AEBP2: variants seen among roughly 807,000 people sequenced by gnomAD.
The protein encoded by AEBP2 is AE binding protein 2.
AEBP2 carries 10 observed loss-of-function variants against 50.8 expected under a neutral mutation model. The ratio of observed to expected loss-of-function variants is 0.20; its 90% CI spans 0.12 to 0.33. AEBP2 has a LOEUF of 0.33. Ranked by LOEUF, AEBP2 falls within the 10% of genes least tolerant of loss-of-function variation. AEBP2 has a pLI of 1.00. For missense variants in AEBP2, 570 were observed against 688.0 expected (o/e 0.83, Z 1.92); for synonymous variants, 296 against 261.3 (o/e 1.13, Z -1.28).
intron 1 of AEBP2, among the ~76,000 whole-genome samples, chr12:19,425,861 C>T (rs1378853977): frequency 6.6e-6 from 1 of 151,394 alleles, no homozygotes; most frequent in Non-Finnish European, 1.5e-5. Context: ...CTTATGTTTG[C>T]ATGAACAGCA....
chr12:19,406,991 G>T (rs888598163), intron 1 of AEBP2, among the ~76,000 whole-genome samples: 2 of 152,104 alleles, frequency 1.3e-5, no homozygotes, highest in Admixed American at 6.6e-5. Context: ...CTCTGTCAAA[G>T]AAATTTTTTA....
chr12:19,450,462 G>A (rs1333204958), intron 1 of AEBP2, among the ~76,000 whole-genome samples: 1 of 148,272 alleles, frequency 6.7e-6, no homozygotes, highest in Non-Finnish European at 1.5e-5. Context: ...TCTCTTTTGT[G>A]TTATGCACTA....
chr12:19,438,900 A>C (rs1465379418), upstream of AEBP2, among the ~76,000 whole-genome samples: 1 of 152,218 alleles, frequency 6.6e-6, no homozygotes, highest in Non-Finnish European at 1.5e-5. Context: ...CGACAGATGA[A>C]ATATTTATAA....
chr12:19,500,299 C>CA (rs1374689980), intron 5 of AEBP2, 78 bp downstream of exon 5: 3 of 1,277,516 alleles, frequency 2.3e-6, no homozygotes, highest in African/African-American at 3.1e-5. Flanking sequence ...CTAAATCTCT[C>CA]AAAATCTAAG....
chr12:19,461,033 A>G (rs1948366137), intron 1 of AEBP2, among the ~76,000 whole-genome samples: 2 of 152,144 alleles, frequency 1.3e-5, no homozygotes, highest in African/African-American at 4.8e-5. Context: ...ATTCAGAGAA[A>G]CAGATTACAG....
At chr12:19,458,109 C>A (rs999163178) in intron 1 of AEBP2, among the ~76,000 whole-genome samples, 5 of 152,096 alleles carry the variant, frequency 3.3e-5, no homozygotes, top group African/African-American at 9.7e-5. Context: ...TGTTACATAA[C>A]GTATTATAGG....
At chr12:19,477,837 A>G (rs536951318) in intron 3 of AEBP2, among the ~76,000 whole-genome samples, 1 of 152,170 alleles carries the variant, frequency 6.6e-6, no homozygotes, top group African/African-American at 2.4e-5. Flanking sequence ...TGTCTTTTGG[A>G]ATAGTTACAT....
intron 1 of AEBP2, among the ~76,000 whole-genome samples, chr12:19,433,485 GTA>G (rs2095752486): frequency 6.6e-6 from 1 of 151,834 alleles, no homozygotes; most frequent in Non-Finnish European, 1.5e-5. Context: ...GACATAGAAA[GTA>G]TAAACTCTAA....
chr12:19,423,439 G>T (rs80010216), intron 1 of AEBP2, among the ~76,000 whole-genome samples: 1 of 152,008 alleles, frequency 6.6e-6, no homozygotes, highest in Non-Finnish European at 1.5e-5. Context: ...ACAGAGTGAG[G>T]ATTTCCTCAA....
intron 1 of AEBP2, among the ~76,000 whole-genome samples, chr12:19,443,751 A>C (rs566035018): frequency 2.6e-5 from 4 of 152,204 alleles, no homozygotes; most frequent in African/African-American, 9.6e-5. Flanking sequence ...ATAAAGACAT[A>C]GATATTAGAG....
intron 3 of AEBP2, among the ~76,000 whole-genome samples, chr12:19,484,167 T>C (rs1359829186): frequency 6.6e-6 from 1 of 151,760 alleles, no homozygotes; most frequent in African/African-American, 2.4e-5. Flanking sequence ...CACTGCAACA[T>C]CCACCTCCTC....
chr12:19,449,805 A>G (rs145386063), intron 1 of AEBP2, among the ~76,000 whole-genome samples: 5 of 152,290 alleles, frequency 3.3e-5, no homozygotes, highest in African/African-American at 1.2e-4. Flanking sequence ...AAAGCCATAT[A>G]TTTTACTTGC....
chr12:19,476,154 G>C (rs1481326742), intron 3 of AEBP2, among the ~76,000 whole-genome samples: 1 of 152,150 alleles, frequency 6.6e-6, no homozygotes, highest in Non-Finnish European at 1.5e-5. Flanking sequence ...ATGTCTGGAA[G>C]AGTTTTTCCA....
intron 3 of AEBP2, among the ~76,000 whole-genome samples, chr12:19,482,266 C>A (rs559807371): frequency 6.6e-6 from 1 of 152,126 alleles, no homozygotes; most frequent in Admixed American, 6.6e-5. Flanking sequence ...GATTCATCTT[C>A]AGGTCTCCGA....
intron 1 of AEBP2, among the ~76,000 whole-genome samples, chr12:19,432,184 C>T (rs1384628664): frequency 1.3e-5 from 2 of 152,150 alleles, no homozygotes; most frequent in Non-Finnish European, 2.9e-5. Flanking sequence ...GTAACAAATG[C>T]AGCGTGGGGT....
chr12:19,513,892 AT>A (rs34664301), intron 6 of AEBP2, among the ~76,000 whole-genome samples: 21,776 of 100,104 alleles, frequency 0.22, 1,664 homozygotes, highest in Middle Eastern at 0.29. Context: ...GGCCGCATGC[AT>A]TTTTTTTTTT....
chr12:19,428,051 A>G (rs1306669111), intron 1 of AEBP2, among the ~76,000 whole-genome samples: 2 of 152,044 alleles, frequency 1.3e-5, no homozygotes, highest in Admixed American at 1.3e-4. Flanking sequence ...AGCCTGGGCA[A>G]CATGGCAAAA....
chr12:19,442,280 C>T (rs187408684), intron 1 of AEBP2, among the ~76,000 whole-genome samples: 1 of 152,224 alleles, frequency 6.6e-6, no homozygotes, highest in Non-Finnish European at 1.5e-5. Flanking sequence ...TGGTGGCGCG[C>T]GCCTGTGTTC....
At chr12:19,449,753 G>A (rs1948133623) in intron 1 of AEBP2, among the ~76,000 whole-genome samples, 1 of 152,172 alleles carries the variant, frequency 6.6e-6, no homozygotes, top group African/African-American at 2.4e-5. Context: ...ATGATTTTTA[G>A]TGTGCTTCCA....
Sources: allele counts gnomAD v4.1 joint callset (sites outside exome capture counted in the v4.1 genomes callset), GRCh38; gene constraint gnomAD v4.1.1; transcripts MANE v1.5; gene names NCBI Gene and HGNC (gene_info 2026-07-23, HGNC 2026-07-21).